Variants in PIK3CB observed in about 807,000 individuals in gnomAD.
PIK3CB encodes phosphatidylinositol 4,5-bisphosphate 3-kinase catalytic subunit beta isoform.
A neutral mutation model predicts 136.8 loss-of-function variants in PIK3CB; 39 were observed. The ratio of observed to expected loss-of-function variants is 0.29; its 90% CI spans 0.22 to 0.37. PIK3CB has a LOEUF of 0.37. Among genes scored for constraint, PIK3CB ranks in the 10% least tolerant of loss-of-function variants. The probability of loss-of-function intolerance (pLI) is 1.00; values close to 1 mark genes in which losing one functional copy is unlikely to be tolerated. For synonymous variants in PIK3CB, 428 were observed against 436.6 expected, an observed-to-expected ratio of 0.98 and a Z score of 0.25; for missense variants, 868 against 1,275.4, an observed-to-expected ratio of 0.68 and a Z score of 4.87.
At chr3:138,795,244 C>T (rs550096078) in intron 2 of PIK3CB, among the ~76,000 whole-genome samples, 11 of 149,582 alleles carry the variant, frequency 7.4e-5, no homozygotes, top group South Asian at 2.2e-4. Context: ...CACTTGAAAC[C>T]GGGAGGCGGA....
intron 19 of PIK3CB, among the ~76,000 whole-genome samples, chr3:138,679,756 T>C (rs1011745295): frequency 8.8e-5 from 13 of 147,518 alleles, no homozygotes; most frequent in Non-Finnish European, 1.5e-5. Context: ...CTAATTATTA[T>C]TATTATTATT....
chr3:138,818,008 T>C, intron 1 of PIK3CB, among the ~76,000 whole-genome samples: 1 of 152,128 alleles, frequency 6.6e-6, no homozygotes, highest in African/African-American at 2.4e-5. Context: ...AAGATGGGGC[T>C]GGGCATGGTA....
At chr3:138,728,085 T>C (rs2044880614) in intron 8 of PIK3CB, among the ~76,000 whole-genome samples, 1 of 152,166 alleles carries the variant, frequency 6.6e-6, no homozygotes, top group Non-Finnish European at 1.5e-5. Context: ...GTTCTGGGAA[T>C]GTAGGCATGA....
chr3:138,816,502 G>A lies in PIK3CB; in HGVS notation c.-122+18193C>T, dbSNP rs563655639. Among the ~76,000 whole-genome samples the A allele has an allele frequency of 1.8e-4, 27 of 152,136 alleles. 1 individual carries two copies. The highest frequency in any genetic ancestry group is 5.9e-5 in the Non-Finnish European group (4 of 68,006). ...CCAGCTACTCAGGAGGCTGAGGCAG[G>A]AGAATCACTTGAACCCAGGAGGCCA... On this transcript the variant is annotated intron_variant, in intron 1 of 23. Transcript: ENST00000674063.
At chr3:138,681,474 TTA>T (rs2043780575) in intron 19 of PIK3CB, among the ~76,000 whole-genome samples, 2 of 152,308 alleles carry the variant, frequency 1.3e-5, no homozygotes, top group South Asian at 2.1e-4. Flanking sequence ...AGGCTTGATT[TTA>T]TGTTTCCTTT....
intron 1 of PIK3CB, among the ~76,000 whole-genome samples, chr3:138,801,457 G>A (rs1037799569): frequency 5.3e-5 from 8 of 152,150 alleles, no homozygotes; most frequent in Non-Finnish European, 7.3e-5. Context: ...CAGGGCAGGT[G>A]CAGTGGCTCA....
intron 3 of PIK3CB, among the ~76,000 whole-genome samples, chr3:138,757,422 C>CA (rs1307839938): frequency 1.1e-4 from 16 of 140,696 alleles, no homozygotes; most frequent in African/African-American, 2.6e-4. Flanking sequence ...AAACAAAAAA[C>CA]AAAAAAAAAC....
At chr3:138,828,698 T>C (rs1310850073) in intron 1 of PIK3CB, among the ~76,000 whole-genome samples, 1 of 152,128 alleles carries the variant, frequency 6.6e-6, no homozygotes, top group East Asian at 1.9e-4. Context: ...TTCAAGGCTG[T>C]AGTGCCCTAT....
intron 10 of PIK3CB, among the ~76,000 whole-genome samples, chr3:138,709,945 G>C (rs1226413912): frequency 6.6e-6 from 1 of 151,296 alleles, no homozygotes; most frequent in African/African-American, 2.4e-5. Context: ...GGGAGGCTGA[G>C]GAGGTGAAAA....
chr3:138,693,993 T>TATATATA (rs1559819951), intron 14 of PIK3CB, among the ~76,000 whole-genome samples: 41 of 120,098 alleles, frequency 3.4e-4, no homozygotes, highest in Non-Finnish European at 4.7e-4. Flanking sequence ...TATATATATA[T>TATATATA]TTTAAACCCA....
chr3:138,786,793 A>C (rs2045986194), intron 2 of PIK3CB, among the ~76,000 whole-genome samples: 1 of 152,238 alleles, frequency 6.6e-6, no homozygotes, highest in Non-Finnish European at 1.5e-5. Flanking sequence ...GAGACCAACA[A>C]GGCAGCCATT....
At chr3:138,676,203 G>A (rs2043639480) in intron 19 of PIK3CB, among the ~76,000 whole-genome samples, 1 of 152,098 alleles carries the variant, frequency 6.6e-6, no homozygotes, top group Admixed American at 6.6e-5. Context: ...TAACCAACAA[G>A]CACATGAAAA....
intron 14 of PIK3CB, among the ~76,000 whole-genome samples, chr3:138,694,318 A>G (rs1242471734): frequency 6.6e-6 from 1 of 152,088 alleles, no homozygotes; most frequent in Non-Finnish European, 1.5e-5. Flanking sequence ...GTGGCCACGA[A>G]GTCTCTAACA....
At chr3:138,706,917 A>G (rs2044389703) in intron 11 of PIK3CB, among the ~76,000 whole-genome samples, 1 of 152,138 alleles carries the variant, frequency 6.6e-6, no homozygotes, top group South Asian at 2.1e-4. Context: ...CGGGCTCCCA[A>G]AGTGCTGGGA....
chr3:138,775,044 T>A (rs1330589503), intron 2 of PIK3CB, among the ~76,000 whole-genome samples: 1 of 152,228 alleles, frequency 6.6e-6, no homozygotes, highest in East Asian at 1.9e-4. Context: ...CACCCATGAA[T>A]GACAAAATGC....
chr3:138,780,817 C>T (rs769451130), intron 2 of PIK3CB, among the ~76,000 whole-genome samples: 14 of 152,064 alleles, frequency 9.2e-5, no homozygotes, highest in Non-Finnish European at 2.9e-5. Context: ...TACAAGCATA[C>T]ACCACTTCAC....
At position 138,673,445 on chromosome 3, in the gene PIK3CB, C is replaced by T. The variant is rs34512689; in HGVS notation, c.2505-8242G>A. ...TACTTACAAAGAACCGATAACCAGACCGAGAACAGACTTTTTAAAAACCGA... is the reference window on the plus strand; with the variant it reads ...TACTTACAAAGAACCGATAACCAGATCGAGAACAGACTTTTTAAAAACCGA... On this transcript the variant is annotated intron_variant, in intron 19 of 23. Transcript: ENST00000674063. 6.8e-3 allele frequency among the ~76,000 whole-genome samples: 1,037 copies of T among 152,140 alleles called. 10 individuals carry two copies. The highest frequency in any genetic ancestry group is 0.014 in the Middle Eastern group (4 of 294).
chr3:138,688,718 C>T (rs992793225), intron 16 of PIK3CB, among the ~76,000 whole-genome samples, 157 bp downstream of exon 16: 1 of 152,066 alleles, frequency 6.6e-6, no homozygotes, highest in Non-Finnish European at 1.5e-5. Flanking sequence ...GTTACTGAGA[C>T]TTCTATGAAA....
chr3:138,731,192 C>T (rs140012053), intron 8 of PIK3CB, among the ~76,000 whole-genome samples: 22 of 152,218 alleles, frequency 1.4e-4, no homozygotes, highest in African/African-American at 5.3e-4. Context: ...CTTTGAATCC[C>T]TTATGATGGT....
Sources: allele counts gnomAD v4.1 joint callset (sites outside exome capture counted in the v4.1 genomes callset), GRCh38; gene constraint gnomAD v4.1.1; transcripts MANE v1.5; gene names NCBI Gene and HGNC (gene_info 2026-07-23, HGNC 2026-07-21).